TSPEAR: variants seen among roughly 807,000 people sequenced by gnomAD.
TSPEAR encodes the protein thrombospondin type laminin G domain and EAR repeats.
A neutral mutation model predicts 71.6 loss-of-function variants in TSPEAR; 69 were observed. The observed-to-expected ratio is 0.96, with a 90% CI of 0.79 to 1.18. The LOEUF (loss-of-function observed/expected upper bound fraction) is 1.18. Among genes scored for constraint, TSPEAR ranks in the 50% most tolerant of loss-of-function variants. The pLI is 0.00. For synonymous variants in TSPEAR, 402 were observed against 387.2 expected (o/e 1.04, Z -0.45); for missense variants, 971 against 894.9 (o/e 1.09, Z -1.09).
intron 2 of TSPEAR, among the ~76,000 whole-genome samples, chr21:44,563,430 A>G (rs1469736402): frequency 3.3e-5 from 5 of 152,156 alleles, no homozygotes; most frequent in African/African-American, 1.2e-4. Context: ...GTTGATCTTG[A>G]TAAGTCAAAA....
In TSPEAR at chr21:44,539,465, G is replaced by C. The variant is rs782261345; in HGVS notation, c.304-5542C>G. 7.4e-6 allele frequency: 12 copies of C among 1,613,502 alleles called. No individual in the cohort carries two copies. In the South Asian group the frequency reaches 9.9e-5, roughly 13 times the overall value. On this transcript the variant is annotated intron_variant, in intron 2 of 11. Coordinates refer to ENST00000323084, the MANE Select transcript of TSPEAR (RefSeq NM_144991.3). ...GCGGCAGAGGAGGGACACGGAGGAG[G>C]AGGGTCTGCAGCAGGAGGTGGTGCA...
At chr21:44,638,121 G>T in intron 1 of TSPEAR, 1 of 1,613,360 alleles carries the variant, frequency 6.2e-7, no homozygotes, top group Non-Finnish European at 8.5e-7. Context: ...CGCCCCGTGT[G>T]CTCCCGCCCT....
At position 44,623,267 on chromosome 21, in the gene TSPEAR, T is replaced by C. The variant is rs587606791; in HGVS notation, c.83-55262A>G. Among the ~76,000 whole-genome samples, 1 of 152,312 alleles carries C rather than the reference T, an allele frequency of 6.6e-6. No homozygotes were observed. The highest frequency in any genetic ancestry group is 2.1e-4 in the South Asian group (1 of 4,816). On this transcript the variant is annotated intron_variant, in intron 1 of 11. Transcript: ENST00000323084. The surrounding 1 kb of genome is among the most constrained non-coding windows in gnomAD (Gnocchi z 4.5). ...TACACTCATCTACTTCCTCCTGAGT[T>C]GTATATTCTTTCATTACTCTAGTGG...
chr21:44,560,925 A>G (rs928816615), intron 2 of TSPEAR, among the ~76,000 whole-genome samples: 1 of 152,230 alleles, frequency 6.6e-6, no homozygotes, highest in African/African-American at 2.4e-5. Flanking sequence ...TAAAAGAACT[A>G]GAGAAGCAAG....
At chr21:44,547,883 C>T (rs1217821133) in intron 2 of TSPEAR, among the ~76,000 whole-genome samples, 1 of 152,182 alleles carries the variant, frequency 6.6e-6, no homozygotes, top group East Asian at 1.9e-4. Context: ...CTGAGAGCTT[C>T]TCAGGTCTTT....
At chr21:44,575,719 C>A (rs892116049) in intron 1 of TSPEAR, among the ~76,000 whole-genome samples, 1 of 152,218 alleles carries the variant, frequency 6.6e-6, no homozygotes, top group Non-Finnish European at 1.5e-5. Context: ...GCCTCCCTAG[C>A]TTCAAAATCA....
chr21:44,529,685 G>A (rs782665978), intron 5 of TSPEAR, 113 bp downstream of exon 5: 10 of 1,226,032 alleles, frequency 8.2e-6, no homozygotes, highest in South Asian at 6.7e-5. Flanking sequence ...GCAGTGATGA[G>A]GGGGGCAGGC....
rs1985676631 is a variant in TSPEAR at position 44,664,946 on chromosome 21, T to C, written c.82+46487A>G. The stretch of plus-strand genomic sequence containing the variant: ...TAGGTTCTCCAGAAGCATTTTTTGG[T>C]TACCAACCCTCCCTCCTCTCATGCT... On this transcript the variant is annotated intron_variant, in intron 1 of 11. Coordinates refer to ENST00000323084, the MANE Select transcript of TSPEAR (RefSeq NM_144991.3). Among the ~76,000 whole-genome samples, 4 of 152,280 alleles carry C rather than the reference T, an allele frequency of 2.6e-5. No individual in the cohort carries two copies. In the South Asian group the frequency reaches 8.3e-4, roughly 32 times the overall value.
intron 1 of TSPEAR, chr21:44,627,082 C>A: frequency 6.4e-7 from 1 of 1,552,446 alleles, no homozygotes; most frequent in South Asian, 1.2e-5. Flanking sequence ...CCTGAGAGCC[C>A]CAAGAACCTC....
chr21:44,567,443 A>C (rs782560947), intron 2 of TSPEAR, among the ~76,000 whole-genome samples: 1 of 152,208 alleles, frequency 6.6e-6, no homozygotes, highest in East Asian at 1.9e-4. Context: ...GATTGATGGC[A>C]CTTCAAGTCT....
chr21:44,643,446 T>C (rs2146232179), intron 1 of TSPEAR, among the ~76,000 whole-genome samples: 1 of 152,318 alleles, frequency 6.6e-6, no homozygotes, highest in East Asian at 1.9e-4. Flanking sequence ...CATGGGGTGA[T>C]GGACATATTA....
At chr21:44,572,695 C>T (rs1353701863) in intron 1 of TSPEAR, among the ~76,000 whole-genome samples, 9 of 151,804 alleles carry the variant, frequency 5.9e-5, no homozygotes, top group East Asian at 1.9e-4. Flanking sequence ...CAAAAGGTGC[C>T]GAAGTCCTGA....
chr21:44,517,716 T>C lies in TSPEAR; in HGVS notation c.1566+4167A>G, dbSNP rs2052623101. The C allele has an allele frequency of 4.3e-5, 20 of 469,494 alleles. 1 individual carries two copies. Among genetic ancestry groups the C allele is most frequent in the South Asian group, 2.9e-4 (19 of 64,518 alleles). The allele number at this position is 469,494 out of a possible 1,614,324, so 29.1% of individuals were successfully genotyped here. A position where few individuals can be genotyped will look rare whatever the true frequency, so the allele number is the denominator to read the frequency against. ...CGTGCATGGCAGTGGCCAGCGTCCT[T>C]GTCCTGCGGGGGCTCTGTGGACATC... On this transcript the variant is annotated intron_variant, in intron 9 of 11. Coordinates refer to ENST00000323084, the MANE Select transcript of TSPEAR (RefSeq NM_144991.3).
Position 44,695,962 on chromosome 21 carries a change from A to G in TSPEAR, c.82+15471T>C, listed in dbSNP as rs528051096. Among the ~76,000 whole-genome samples the G allele has an allele frequency of 6.6e-6, 1 of 152,322 alleles. No homozygotes were observed. Among genetic ancestry groups the G allele is most frequent in the African/African-American group, 2.4e-5 (1 of 41,584 alleles). Reference sequence around the variant, plus strand: ...CCTTAATCTCAGGATCCTCCAGGCTAGATGAGCCCTGGGGCTCTAGAGTCC... The same window carrying G: ...CCTTAATCTCAGGATCCTCCAGGCTGGATGAGCCCTGGGGCTCTAGAGTCC... On this transcript the variant is annotated intron_variant, in intron 1 of 11. Transcript: ENST00000323084. The surrounding 1 kb of genome is among the most constrained non-coding windows in gnomAD (Gnocchi z 4.5).
chr21:44,693,523 T>C (rs1987204335), intron 1 of TSPEAR, among the ~76,000 whole-genome samples: 2 of 152,130 alleles, frequency 1.3e-5, no homozygotes, highest in African/African-American at 4.8e-5. Flanking sequence ...AGTAGACATT[T>C]CTCCAGTGAA....
At chr21:44,684,956 G>A (rs1350930821) in intron 1 of TSPEAR, among the ~76,000 whole-genome samples, 1 of 152,196 alleles carries the variant, frequency 6.6e-6, no homozygotes, top group Non-Finnish European at 1.5e-5. Flanking sequence ...GCAGTGAAAG[G>A]AGTTGCCTGT....
chr21:44,575,364 G>A, intron 1 of TSPEAR: 1 of 294,714 alleles, frequency 3.4e-6, no homozygotes. Flanking sequence ...AGACTGCAAT[G>A]GCGCTGACAC....
chr21:44,541,533 G>A (rs1479345294), intron 2 of TSPEAR, among the ~76,000 whole-genome samples: 1 of 152,232 alleles, frequency 6.6e-6, no homozygotes, highest in Non-Finnish European at 1.5e-5. Context: ...ACAGAAGTGA[G>A]TCCAATATTC....
chr21:44,557,327 C>G (rs587672030), intron 2 of TSPEAR, among the ~76,000 whole-genome samples: 3 of 152,074 alleles, frequency 2.0e-5, no homozygotes, highest in African/African-American at 4.8e-5. Flanking sequence ...ACACCATGAG[C>G]GAGAACTGGT....
Sources: gnomAD v4.1 joint callset for allele counts (sites outside exome capture counted in the v4.1 genomes callset) on GRCh38, gnomAD v4.1.1 for gene constraint, Gnocchi (gnomAD v3.1) non-coding constraint, MANE v1.5 for transcripts, NCBI Gene and HGNC (gene_info 2026-07-23, HGNC 2026-07-21) for gene names.